The following LPP variants were observed in gnomAD, a reference collection of about 807,000 sequenced individuals.
LPP encodes lipoma-preferred partner.
LPP carries 38 observed loss-of-function variants against 60.4 expected under a neutral mutation model. That is an observed-to-expected ratio of 0.63 (90% CI 0.49 to 0.83). The LOEUF (loss-of-function observed/expected upper bound fraction) is 0.83, where lower values mean the gene tolerates loss of function less well. LPP is among the 40% of genes least tolerant of loss of function. LPP has a pLI of 0.00. For synonymous variants in LPP, 328 were observed against 290.8 expected (o/e 1.13, Z -1.30); for missense variants, 902 against 783.6 (o/e 1.15, Z -1.80).
chr3:188,617,110 A>G (rs888011293), intron 7 of LPP, among the ~76,000 whole-genome samples: 1 of 152,194 alleles, frequency 6.6e-6, no homozygotes, highest in Non-Finnish European at 1.5e-5. Flanking sequence ...TGAAAAAGAA[A>G]CAGCGTGATA....
At chr3:188,493,199 T>A (rs570747933) in intron 5 of LPP, among the ~76,000 whole-genome samples, 1 of 152,328 alleles carries the variant, frequency 6.6e-6, no homozygotes, top group East Asian at 1.9e-4. Flanking sequence ...ATAAGTAGAA[T>A]TCTCGGGTCA....
At chr3:188,800,224 C>T (rs1577637015) in intron 9 of LPP, among the ~76,000 whole-genome samples, 6 of 111,646 alleles carry the variant, frequency 5.4e-5, no homozygotes, top group African/African-American at 1.3e-4. Context: ...GTGCAATTAT[C>T]TTCATGAAAT....
intron 5 of LPP, among the ~76,000 whole-genome samples, chr3:188,520,676 C>G (rs1027871925): frequency 2.0e-5 from 3 of 152,206 alleles, no homozygotes; most frequent in Admixed American, 2.0e-4. Flanking sequence ...GAGCTTTTCT[C>G]ACAGGCATTG....
chr3:188,386,382 C>A (rs1778318675), intron 3 of LPP, among the ~76,000 whole-genome samples: 1 of 151,928 alleles, frequency 6.6e-6, no homozygotes, highest in Admixed American at 6.6e-5. Context: ...TTGTTCCTTT[C>A]TAAATATTAC....
chr3:188,313,935 C>G (rs1017983891), intron 2 of LPP, among the ~76,000 whole-genome samples: 1 of 152,030 alleles, frequency 6.6e-6, no homozygotes, highest in African/African-American at 2.4e-5. Context: ...GTGTGTGCCT[C>G]TGTGTTTGGG....
intron 3 of LPP, among the ~76,000 whole-genome samples, chr3:188,404,045 G>A (rs535561989): frequency 6.6e-6 from 1 of 152,132 alleles, no homozygotes; most frequent in Non-Finnish European, 1.5e-5. Context: ...ATTGATTCAT[G>A]TTATCCTCGT....
rs150933081 is a variant in LPP at position 188,609,553 on chromosome 3, C to T, written c.822C>T (p.Ala274=). 1.2e-6 allele frequency: 2 copies of T among 1,614,178 alleles called. No individual in the cohort carries two copies. Among genetic ancestry groups the T allele is most frequent in the East Asian group, 4.5e-5 (2 of 44,876 alleles). The change falls in exon 7 of 12, where the codon GCC becomes GCT. Residue 274 remains alanine, a synonymous_variant. Transcript: ENST00000617246. This position sits in a 1 kb window ranked among gnomAD's most constrained non-coding sequence, Gnocchi z 6.9. ...PPSTRGGMDY[A]YIPPPGLQPE... ...CAACACGGGGAGGCATGGATTATGC[C>T]TACATTCCACCACCAGGACTTCAGC... is the stretch of plus-strand genomic sequence containing the variant.
chr3:188,760,358 A>G (rs1731775355), intron 9 of LPP, 76 bp downstream of exon 9: 1 of 1,478,770 alleles, frequency 6.8e-7, no homozygotes, highest in African/African-American at 1.4e-5. Flanking sequence ...TCTAGATAGA[A>G]TATAGCCATC....
intron 8 of LPP, among the ~76,000 whole-genome samples, chr3:188,739,706 A>G (rs564461561): frequency 8.5e-5 from 13 of 152,124 alleles, no homozygotes; most frequent in African/African-American, 3.1e-4. Context: ...CTAACTCTGC[A>G]TGGATATAAC....
intron 7 of LPP, among the ~76,000 whole-genome samples, chr3:188,705,348 C>T (rs1300926085): frequency 3.3e-5 from 5 of 152,088 alleles, no homozygotes; most frequent in East Asian, 1.9e-4. Flanking sequence ...TTACAATGTA[C>T]GTATCTGTCA....
At chr3:188,390,857 C>T (rs1779524260) in intron 3 of LPP, among the ~76,000 whole-genome samples, 1 of 151,998 alleles carries the variant, frequency 6.6e-6, no homozygotes, top group African/African-American at 2.4e-5. Context: ...AGAGAGAGAC[C>T]CTGAAGACAC....
chr3:188,651,454 C>T (rs373495161), intron 7 of LPP, among the ~76,000 whole-genome samples: 230 of 152,286 alleles, frequency 1.5e-3, no homozygotes, highest in South Asian at 0.011. Context: ...AGGGTAGAAA[C>T]AATCGTTTTA....
chr3:188,249,655 G>T (rs994449014), intron 2 of LPP, among the ~76,000 whole-genome samples: 2 of 151,328 alleles, frequency 1.3e-5, no homozygotes, highest in Non-Finnish European at 2.9e-5. Context: ...CTTTCTGATG[G>T]TTTTTTTCTT....
At chr3:188,741,524 T>C (rs1410214614) in intron 8 of LPP, among the ~76,000 whole-genome samples, 1 of 151,978 alleles carries the variant, frequency 6.6e-6, no homozygotes, top group East Asian at 1.9e-4. Context: ...ACTTTAACAA[T>C]ATTGTCTTTC....
At position 188,225,415 on chromosome 3, in the gene LPP, T is replaced by C. The variant is rs1717367046; in HGVS notation, c.-179T>C. The C allele has an allele frequency of 6.6e-6, 1 of 152,324 alleles. No homozygotes were observed. The highest frequency in any genetic ancestry group is 2.1e-4 in the South Asian group (1 of 4,828). 9.4% of individuals were successfully genotyped at this position (152,324 alleles called of 1,614,324 possible). A position where few individuals can be genotyped will look rare whatever the true frequency, so the allele number is the denominator to read the frequency against. On this transcript the variant is annotated 5_prime_UTR_variant, in exon 2 of 12. Transcript: ENST00000617246. ...TTCTGTTTTTCATAGGTGGGAACTTTGAGGCTCAGAGACAGAGCAGAAGAC... is the reference window on the plus strand; with the variant it reads ...TTCTGTTTTTCATAGGTGGGAACTTCGAGGCTCAGAGACAGAGCAGAAGAC...
rs76137229 is a variant in LPP at position 188,217,365 on chromosome 3, A to T, written c.-189-8040A>T. Among the ~76,000 whole-genome samples, 1 of 152,116 alleles carries T rather than the reference A, an allele frequency of 6.6e-6. No individual in the cohort carries two copies. Among genetic ancestry groups the T allele is most frequent in the Admixed American group, 6.6e-5 (1 of 15,262 alleles). On this transcript the variant is annotated intron_variant, in intron 1 of 11. Transcript: ENST00000617246. The surrounding 1 kb of genome is among the most constrained non-coding windows in gnomAD (Gnocchi z 4.0). ...GATGTGCTGGCAGGATGTGGGCTGC[A>T]GGGGAAGAAGCAGGAGAAAAGAATA...
chr3:188,487,675 T>C (rs1386478684), intron 5 of LPP, among the ~76,000 whole-genome samples: 1 of 152,218 alleles, frequency 6.6e-6, no homozygotes, highest in Non-Finnish European at 1.5e-5. Flanking sequence ...TGATAGCGGC[T>C]TGGTCCTGCT....
At chr3:188,519,611 T>C (rs545654957) in intron 5 of LPP, among the ~76,000 whole-genome samples, 2 of 152,258 alleles carry the variant, frequency 1.3e-5, no homozygotes, top group South Asian at 4.2e-4. Flanking sequence ...GAGAATGGTT[T>C]TGAAAAAATT....
chr3:188,341,953 C>G (rs184979311), intron 3 of LPP, among the ~76,000 whole-genome samples: 20 of 152,186 alleles, frequency 1.3e-4, no homozygotes, highest in African/African-American at 4.6e-4. Context: ...AACCAAAAAT[C>G]TGGGCCACAC....
Sources: allele counts gnomAD v4.1 joint callset (sites outside exome capture counted in the v4.1 genomes callset), GRCh38; gene constraint gnomAD v4.1.1; non-coding constraint Gnocchi (gnomAD v3.1); transcripts MANE v1.5; gene names NCBI Gene and HGNC (gene_info 2026-07-23, HGNC 2026-07-21).